TNC: variants seen among roughly 807,000 people sequenced by gnomAD.
TNC encodes tenascin.
A neutral mutation model predicts 202.4 loss-of-function variants in TNC; 109 were observed. That is an observed-to-expected ratio of 0.54 (90% CI 0.46 to 0.63). The LOEUF is 0.63. Among genes scored for constraint, TNC ranks in the 30% least tolerant of loss-of-function variants. The pLI is 0.00. For synonymous variants in TNC, 1,007 were observed against 1,089.7 expected (o/e 0.92, Z 1.50); for missense variants, 2,756 against 2,833.3 (o/e 0.97, Z 0.62).
chr9:115,113,439 A>C (rs1837229871), intron 1 of TNC, among the ~76,000 whole-genome samples: 1 of 152,246 alleles, frequency 6.6e-6, no homozygotes, highest in African/African-American at 2.4e-5. Context: ...CATGATGCCT[A>C]TAGAGTCCTC....
intron 17 of TNC, among the ~76,000 whole-genome samples, chr9:115,043,867 T>C (rs1830966826): frequency 6.6e-6 from 1 of 152,236 alleles, no homozygotes; most frequent in South Asian, 2.1e-4. Context: ...TACATTTTAG[T>C]AGGTGTATCT....
intron 1 of TNC, among the ~76,000 whole-genome samples, chr9:115,108,908 T>C (rs1416195763): frequency 6.6e-6 from 1 of 152,244 alleles, no homozygotes; most frequent in Non-Finnish European, 1.5e-5. Flanking sequence ...TTTCTGTTGT[T>C]TGTAAGTCAC....
At chr9:115,065,484 G>A (rs1832878254) in intron 10 of TNC, among the ~76,000 whole-genome samples, 1 of 152,168 alleles carries the variant, frequency 6.6e-6, no homozygotes, top group East Asian at 1.9e-4. Context: ...TCAGTGTCCT[G>A]CAGATTTAGA....
rs147786893 is a variant in TNC at position 115,031,514 on chromosome 9, T to G, written c.5920+39A>C. On this transcript the variant is annotated intron_variant, in intron 23 of 27. Coordinates refer to ENST00000350763, the MANE Select transcript of TNC (RefSeq NM_002160.4). The stretch of plus-strand genomic sequence containing the variant: ...AAGTCAAGGGTTGATTCAGTCAAAG[T>G]TAGATCTCAAGGCTGGATGGCACCC... The G allele has an allele frequency of 1.3e-3, 1,908 of 1,481,496 alleles. 3 individuals are homozygous for G. The highest frequency in any genetic ancestry group is 3.7e-3 in the Admixed American group (145 of 39,320). 91.8% of individuals were successfully genotyped at this position (1,481,496 alleles called of 1,614,324 possible). A position where few individuals can be genotyped will look rare whatever the true frequency, so the allele number is the denominator to read the frequency against.
chr9:115,044,649 G>A (rs1588046154), intron 17 of TNC, among the ~76,000 whole-genome samples: 1 of 152,036 alleles, frequency 6.6e-6, no homozygotes, highest in African/African-American at 2.4e-5. Flanking sequence ...AGTAAACTTC[G>A]AAGAACACTG....
rs144032672 is a variant in TNC at position 115,087,103 on chromosome 9, C to T, written c.628G>A (p.Gly210Ser). ...TGGCTGCAGTCCTCGCCCGTGAAGC[C>T]GTCGTCACAGATGCACTGCCCATCA... ...CIDGQCICDD[G>S]FTGEDCSQLA... Residue 210 changes from glycine (G) to serine (S), a missense_variant, in exon 3 of 28, where the codon GGC becomes AGC. Coordinates refer to ENST00000350763, the MANE Select transcript of TNC (RefSeq NM_002160.4). 4,171 of 1,614,244 alleles carry T rather than the reference C, an allele frequency of 2.6e-3. 5 individuals carry two copies. The highest frequency in any genetic ancestry group is 3.2e-3 in the Non-Finnish European group (3,764 of 1,180,048).
chr9:115,073,592 G>T lies in TNC; in HGVS notation c.3214+11C>A. 6.2e-7 allele frequency: 1 copy of T among 1,609,932 alleles called. No individual in the cohort carries two copies. Among genetic ancestry groups the T allele is most frequent in the South Asian group, 1.1e-5 (1 of 90,896 alleles). ...AACCTAGAGTTTGGAGGAAGCTCAG[G>T]GCAGACTCACCAGTGGATGCCTTCA... is the stretch of plus-strand genomic sequence containing the variant. On this transcript the variant is annotated intron_variant, in intron 10 of 27. Transcript: ENST00000350763.
intron 5 of TNC, among the ~76,000 whole-genome samples, chr9:115,082,199 A>G (rs868246612): frequency 2.1e-4 from 32 of 152,230 alleles, no homozygotes; most frequent in Non-Finnish European, 1.5e-5. Flanking sequence ...CTGAAGGCAC[A>G]AGCTCAATCC....
In TNC at chr9:115,063,899, G is replaced by T. The variant is rs768306437; in HGVS notation, c.3657C>A (p.Ser1219=). Residue 1219 remains serine, a synonymous_variant, in exon 12 of 28, where the codon TCC becomes TCA. Transcript: ENST00000350763. ...CTGCTTTGAGCCCAGGCAGGTCTGT[G>T]GACCTCAGTCCTCCTGGGACGGTGA... is the stretch of plus-strand genomic sequence containing the variant. ...QNLTVPGGLR[S]TDLPGLKAAT... The T allele has an allele frequency of 9.9e-6, 16 of 1,614,088 alleles. No individual in the cohort carries two copies. The Admixed American group carries it at 2.5e-4, about 25-fold the overall frequency.
chr9:115,087,177 C>A lies in TNC; in HGVS notation c.554G>T (p.Cys185Phe), dbSNP rs1182720263. 6.2e-7 allele frequency: 1 copy of A among 1,614,246 alleles called. No homozygotes were observed. Among genetic ancestry groups the A allele is most frequent in the Admixed American group, 1.7e-5 (1 of 60,034 alleles). Residue 185 changes from cysteine to phenylalanine, a missense_variant, in exon 3 of 28, where the codon TGC (cysteine) becomes TTC (phenylalanine). Around this residue, in one of 2 missense-constraint regions of TNC, gnomAD observed 2,559 missense variants for 2,546.0 expected, o/e 1.01. Coordinates refer to ENST00000350763, the MANE Select transcript of TNC (RefSeq NM_002160.4). ...VCEPGWKGPN[C>F]SEPECPGNCH... ...GTTGCCTGGACATTCGGGCTCAGAG[C>A]AGTTGGGGCCTTTCCAGCCAGGTTC...
chr9:115,036,799 A>G (rs1830366137), intron 20 of TNC, among the ~76,000 whole-genome samples: 1 of 152,168 alleles, frequency 6.6e-6, no homozygotes, highest in African/African-American at 2.4e-5. Flanking sequence ...GCTTGGGGGC[A>G]TGTGTTTATT....
At position 115,076,016 on chromosome 9, in the gene TNC, T is replaced by A; in HGVS notation, c.2950+16A>T. On this transcript the variant is annotated intron_variant, in intron 9 of 27. Coordinates refer to ENST00000350763, the MANE Select transcript of TNC (RefSeq NM_002160.4). ...AGCACCAGCTCAGTGGGATGGGAAT[T>A]CCAGGTGTGCCCCACCTGTGGCTGC... 6.2e-7 allele frequency: 1 copy of A among 1,609,072 alleles called. No homozygotes were observed. The highest frequency in any genetic ancestry group is 1.3e-5 in the African/African-American group (1 of 74,926).
At chr9:115,055,814 CA>C (rs1339157092) in intron 15 of TNC, 3 of 152,378 alleles carry the variant, frequency 2.0e-5, no homozygotes, top group Non-Finnish European at 1.5e-5. Flanking sequence ...GAGTCAAAAT[CA>C]AAACACATAA....
rs772853678 is a variant in TNC, at chr9:115,040,924, C to CACAA, written c.5392+16_5392+17insTTGT. The CACAA allele has an allele frequency of 6.2e-7, 1 of 1,606,490 alleles. No individual in the cohort carries two copies. On this transcript the variant is annotated intron_variant, in intron 19 of 27. Coordinates refer to ENST00000350763, the MANE Select transcript of TNC (RefSeq NM_002160.4). Reference sequence around the variant, plus strand: ...AAATAGTAACACACACACACACACACAACCCCACCAACTCACCTGTGGTGA... The same window carrying CACAA: ...AAATAGTAACACACACACACACACACACAAAACCCCACCAACTCACCTGTGGTGA...
intron 1 of TNC, among the ~76,000 whole-genome samples, chr9:115,108,492 T>C (rs1021447184): frequency 6.6e-6 from 1 of 152,216 alleles, no homozygotes; most frequent in Non-Finnish European, 1.5e-5. Context: ...ATCTGCACAA[T>C]GGCACATTCA....
Position 115,023,986 on chromosome 9 carries a change from T to G in TNC, c.6482A>C (p.Asn2161Thr). Residue 2161 changes from asparagine to threonine, a missense_variant, in exon 27 of 28, where the codon AAT becomes ACT. Physicochemically the swap from Asn to Thr is moderately conservative, Grantham distance 65. Transcript: ENST00000350763. ...RVNLMGRYGD[N>T]NHSQGVNWFH... ...CGGTCCACTCACCTGACTGTGGTTA[T>G]TGTCCCCATATCTCCCCATCAGGTT... 1 of 1,613,826 alleles carries G rather than the reference T, an allele frequency of 6.2e-7. No homozygotes were observed. The highest frequency in any genetic ancestry group is 8.5e-7 in the Non-Finnish European group (1 of 1,179,732).
Position 115,078,207 on chromosome 9 carries a change from C to T in TNC, c.2410G>A (p.Asp804Asn). ...TTCACCTCGATCTGGCTGGGGGCAT[C>T]CAAGCCTATGATGGGCAGAGGACAG... ...GLKRVTTTRL[D>N]APSQIEVKDV... The change falls in exon 7 of 28, where the codon GAT becomes AAT. Residue 804 changes from aspartate (D) to asparagine (N), a missense_variant. Asp to Asn is a conservative substitution (Grantham distance 23). Around this residue, in one of 2 missense-constraint regions of TNC, gnomAD observed 2,559 missense variants for 2,546.0 expected, o/e 1.01. Transcript: ENST00000350763. 4 of 1,604,062 alleles carry T rather than the reference C, an allele frequency of 2.5e-6. No individual in the cohort carries two copies. The South Asian group carries it at 4.4e-5, about 18-fold the overall frequency.
chr9:115,084,377 C>T lies in TNC; in HGVS notation c.1963G>A (p.Val655Met), dbSNP rs375442356. ...CCACCCTCGTGGGTGGGCGTGTACA[C>T]GACAAGGTACTCTGTGACCCGCATC... is the stretch of plus-strand genomic sequence containing the variant. ...NEMRVTEYLVVYTPTHEGGLE... is the reference protein window; with the variant it reads ...NEMRVTEYLVMYTPTHEGGLE... The change falls in exon 4 of 28, where the codon GTG (valine) becomes ATG (methionine). Residue 655 changes from valine (V) to methionine (M), a missense_variant. By Grantham distance (21) the Val-to-Met change is conservative. Coordinates refer to ENST00000350763, the MANE Select transcript of TNC (RefSeq NM_002160.4). The T allele has an allele frequency of 1.2e-5, 20 of 1,614,072 alleles. No individual in the cohort carries two copies. Among genetic ancestry groups the T allele is most frequent in the East Asian group, 1.1e-4 (5 of 44,886 alleles).
chr9:115,029,599 G>T, intron 24 of TNC, 143 bp from the exon 25 acceptor site: 1 of 757,036 alleles, frequency 1.3e-6, no homozygotes, highest in Non-Finnish European at 2.2e-6. Context: ...ACTTTGGGTG[G>T]TCACCTGCCC....
Sources: gnomAD v4.1 joint callset for allele counts (sites outside exome capture counted in the v4.1 genomes callset) on GRCh38, gnomAD v4.1.1 for gene constraint, gnomAD v4.1.1 regional missense constraint, MANE v1.5 for transcripts, NCBI Gene and HGNC (gene_info 2026-07-23, HGNC 2026-07-21) for gene names.